KRIT1: variants seen among roughly 807,000 people sequenced by gnomAD.
KRIT1 encodes KRIT1 ankyrin repeat containing.
In KRIT1, 45 loss-of-function variants were observed where a neutral mutation model predicts 95.8. The ratio of observed to expected loss-of-function variants is 0.47; its 90% CI spans 0.37 to 0.60. KRIT1 has a LOEUF of 0.60. Among genes scored for constraint, KRIT1 ranks in the 20% least tolerant of loss-of-function variants. KRIT1 has a pLI of 0.00. For missense variants in KRIT1, 788 were observed against 877.5 expected, an observed-to-expected ratio of 0.90 and a Z score of 1.29; for synonymous variants, 282 against 278.8, an observed-to-expected ratio of 1.01 and a Z score of -0.11.
At chr7:92,233,480 C>T (rs1047844888) in intron 10 of KRIT1, among the ~76,000 whole-genome samples, 4 of 150,670 alleles carry the variant, frequency 2.7e-5, no homozygotes, top group African/African-American at 9.8e-5. Context: ...AATCTCAGCT[C>T]ACTGTAATCT....
chr7:92,216,101 C>T (rs970047068), intron 14 of KRIT1, among the ~76,000 whole-genome samples: 3 of 151,362 alleles, frequency 2.0e-5, no homozygotes, highest in Non-Finnish European at 2.9e-5. Flanking sequence ...TGGTGGCAGG[C>T]GCCTGTAGTC....
chr7:92,245,885 A>G lies in KRIT1; in HGVS notation c.-516T>C, dbSNP rs1800890563. 2 of 229,512 alleles carry G rather than the reference A, an allele frequency of 8.7e-6. No individual in the cohort carries two copies. Among genetic ancestry groups the G allele is most frequent in the Non-Finnish European group, 1.7e-5 (2 of 116,088 alleles). The allele number at this position is 229,512 out of a possible 1,614,324, so 14.2% of individuals were successfully genotyped here. On this transcript the variant is annotated 5_prime_UTR_variant, in exon 1 of 19. Coordinates refer to ENST00000394505, the MANE Select transcript of KRIT1 (RefSeq NM_194454.3). ...GGGGTCCCAGGTCTTCAAAGGCCTTAGCTTTCCACCCCGCCGTTACCGTGG... is the reference window on the plus strand; with the variant it reads ...GGGGTCCCAGGTCTTCAAAGGCCTTGGCTTTCCACCCCGCCGTTACCGTGG...
intron 14 of KRIT1, among the ~76,000 whole-genome samples, chr7:92,221,622 T>C (rs1795169244): frequency 6.6e-6 from 1 of 152,206 alleles, no homozygotes; most frequent in Non-Finnish European, 1.5e-5. Flanking sequence ...CTAACTAGTC[T>C]AAACAATTTT....
At chr7:92,230,252 T>C (rs999903823) in intron 10 of KRIT1, among the ~76,000 whole-genome samples, 1 of 152,138 alleles carries the variant, frequency 6.6e-6, no homozygotes, top group African/African-American at 2.4e-5. Context: ...CAACGTCTCA[T>C]GGTGACTAGC....
chr7:92,239,344 C>CT (rs1563317269), intron 5 of KRIT1, among the ~76,000 whole-genome samples: 1 of 152,120 alleles, frequency 6.6e-6, no homozygotes, highest in Non-Finnish European at 1.5e-5. Flanking sequence ...CAAATTATGA[C>CT]TTTTTTAGGT....
At chr7:92,211,577 A>G (rs576719969) in intron 17 of KRIT1, among the ~76,000 whole-genome samples, 6 of 152,174 alleles carry the variant, frequency 3.9e-5, no homozygotes, top group Non-Finnish European at 8.8e-5. Flanking sequence ...GATAGAATGA[A>G]TAAGTTGCCG....
intron 17 of KRIT1, 87 bp from the exon 18 acceptor site, chr7:92,201,510 C>A: frequency 1.3e-6 from 1 of 777,152 alleles, no homozygotes; most frequent in South Asian, 1.4e-5. Flanking sequence ...ATGTTGTCTG[C>A]TCTAAATATA....
At chr7:92,215,839 T>C (rs1407352276) in intron 14 of KRIT1, among the ~76,000 whole-genome samples, 2 of 151,900 alleles carry the variant, frequency 1.3e-5, no homozygotes, top group East Asian at 3.9e-4. Flanking sequence ...CTACAGAATA[T>C]ATTCCTACTT....
In KRIT1 at chr7:92,201,410, C is replaced by T; in HGVS notation, c.2039G>A (p.Ser680Asn). The change falls in exon 18 of 19, where the codon AGT becomes AAT. Residue 680 changes from serine to asparagine, a missense_variant. Coordinates refer to ENST00000394505, the MANE Select transcript of KRIT1 (RefSeq NM_194454.3). The part of the protein sequence containing the change: ...LNMETKALLI[S>N]LKYGCFMWQL... ...CCACATAAAACAACCATACTTAAGA[C>T]TGATGAGTAAAGCCTGCAACATAAT... 6.5e-7 allele frequency: 1 copy of T among 1,531,024 alleles called. No homozygotes were observed. The highest frequency in any genetic ancestry group is 9.1e-7 in the Non-Finnish European group (1 of 1,104,428). 94.8% of individuals were successfully genotyped at this position (1,531,024 alleles called of 1,614,324 possible).
At chr7:92,223,868 C>G (rs1304769734) in intron 12 of KRIT1, among the ~76,000 whole-genome samples, 1 of 152,138 alleles carries the variant, frequency 6.6e-6, no homozygotes, top group East Asian at 1.9e-4. Flanking sequence ...CTGATGTCCC[C>G]AAATAACTTC....
At chr7:92,239,384 A>G (rs1799102282) in intron 5 of KRIT1, among the ~76,000 whole-genome samples, 1 of 152,194 alleles carries the variant, frequency 6.6e-6, no homozygotes, top group Non-Finnish European at 1.5e-5. Context: ...CAAATATGTG[A>G]TTTAGGCTAA....
Position 92,235,397 on chromosome 7 carries a change from T to G in KRIT1, c.729+6A>C, listed in dbSNP as rs1252773442. 6.2e-7 allele frequency: 1 copy of G among 1,613,654 alleles called. No individual in the cohort carries two copies. Among genetic ancestry groups the G allele is most frequent in the African/African-American group, 1.3e-5 (1 of 75,046 alleles). On this transcript the variant is annotated splice_donor_region_variant and intron_variant, in intron 8 of 18. Coordinates refer to ENST00000394505, the MANE Select transcript of KRIT1 (RefSeq NM_194454.3). ...AAATCAGAGCTAAAATTCATTCAAC[T>G]CTTACCCGATTTGTATACTGAAGAT...
Position 92,236,500 on chromosome 7 carries a change from TA to T in KRIT1, c.397del (p.Tyr133ThrfsTer25). On this transcript the variant is annotated frameshift_variant, in exon 7 of 19. Transcript: ENST00000394505. LOFTEE classifies it high-confidence loss of function. ...GACTCGCATAATATCTTGTAAGCAG[TA>T]AAAAATTGGGCATCCTGGGGTATAT... ...YTYTPGCPIF[Y>X]CLQDIMRVCS... 3 of 1,584,628 alleles carry T rather than the reference TA, an allele frequency of 1.9e-6. No individual in the cohort carries two copies. Among genetic ancestry groups the T allele is most frequent in the African/African-American group, 1.3e-5 (1 of 74,346 alleles).
chr7:92,239,982 T>A (rs1799267980), intron 5 of KRIT1, among the ~76,000 whole-genome samples: 1 of 152,046 alleles, frequency 6.6e-6, no homozygotes, highest in African/African-American at 2.4e-5. Context: ...GTGCTGGGAT[T>A]ACAGACGTGA....
Position 92,234,387 on chromosome 7 carries a change from A to C in KRIT1, c.989+62T>G, listed in dbSNP as rs967490788. On this transcript the variant is annotated intron_variant, in intron 10 of 18. Transcript: ENST00000394505. ...AATGAGAACAGTCTTGAAAAGAAGG[A>C]CTAACATTTATAATAAAAAATGTAT... The C allele has an allele frequency of 4.8e-6, 6 of 1,245,338 alleles. No individual in the cohort carries two copies. The Admixed American group carries it at 5.1e-5, about 11-fold the overall frequency. The allele number at this position is 1,245,338 out of a possible 1,614,324, so 77.1% of individuals were successfully genotyped here. A position where few individuals can be genotyped will look rare whatever the true frequency, so the allele number is the denominator to read the frequency against.
chr7:92,213,246 C>T lies in KRIT1; in HGVS notation c.1974G>A (p.Val658=), dbSNP rs780889522. 6.2e-7 allele frequency: 1 copy of T among 1,613,550 alleles called. No individual in the cohort carries two copies. The highest frequency in any genetic ancestry group is 8.5e-7 in the Non-Finnish European group (1 of 1,179,598). Reference sequence around the variant, plus strand: ...GTCCTTTTATATTCACTCCTACATACACAGGGATGACTTTATGATTGCTGG... The same window carrying T: ...GTCCTTTTATATTCACTCCTACATATACAGGGATGACTTTATGATTGCTGG... ...ASPSNHKVIP[V]YVGVNIKGLH... is the part of the protein sequence containing the mutation. Residue 658 remains valine (V), a synonymous_variant, in exon 17 of 19, where the codon GTG becomes GTA. Transcript: ENST00000394505.
chr7:92,204,714 G>C (rs1790996517), intron 17 of KRIT1, among the ~76,000 whole-genome samples: 1 of 152,108 alleles, frequency 6.6e-6, no homozygotes, highest in Admixed American at 6.6e-5. Flanking sequence ...GCAGAGCTCA[G>C]ATGGTAATGC....
At position 92,242,152 on chromosome 7, in the gene KRIT1, T is replaced by TA. The variant is rs763388363; in HGVS notation, c.-2-16dup. 661 of 1,408,594 alleles carry TA rather than the reference T, an allele frequency of 4.7e-4. 2 individuals carry two copies. The highest frequency in any genetic ancestry group is 6.3e-4 in the African/African-American group (45 of 70,874). 87.3% of individuals were successfully genotyped at this position (1,408,594 alleles called of 1,614,324 possible). A position where few individuals can be genotyped will look rare whatever the true frequency, so the allele number is the denominator to read the frequency against. On this transcript the variant is annotated splice_polypyrimidine_tract_variant and intron_variant, in intron 3 of 18. Transcript: ENST00000394505. ...ATTTCCCATTGCTTTACAAAACAAA[T>TA]AAAAAAATCCTTTGAAAGATTAAAT...
intron 10 of KRIT1, among the ~76,000 whole-genome samples, chr7:92,227,567 A>C (rs974453211): frequency 3.9e-5 from 6 of 152,000 alleles, no homozygotes; most frequent in Admixed American, 2.0e-4. Context: ...ACTGAGTCTC[A>C]CTCTATGCCC....
Sources: gnomAD v4.1 joint callset for allele counts (sites outside exome capture counted in the v4.1 genomes callset) on GRCh38, gnomAD v4.1.1 for gene constraint, MANE v1.5 for transcripts, NCBI Gene and HGNC (gene_info 2026-07-23, HGNC 2026-07-21) for gene names.